Variants in ESCO1 observed in about 807,000 individuals in gnomAD.
ESCO1 encodes the protein N-acetyltransferase ESCO1.
ESCO1 carries 33 observed loss-of-function variants against 83.5 expected under a neutral mutation model. That is an observed-to-expected ratio of 0.40 (90% CI 0.30 to 0.53). The LOEUF (loss-of-function observed/expected upper bound fraction) is 0.53. Ranked by LOEUF, ESCO1 falls within the 20% of genes least tolerant of loss-of-function variation. The pLI, the probability that ESCO1 is intolerant of heterozygous loss-of-function variation, is 0.63. For missense variants in ESCO1, 855 were observed against 968.0 expected (o/e 0.88, Z 1.55); for synonymous variants, 332 against 324.3 (o/e 1.02, Z -0.25).
intron 4 of ESCO1, among the ~76,000 whole-genome samples, chr18:21,568,327 G>A (rs1054506239): frequency 3.3e-5 from 5 of 152,082 alleles, no homozygotes; most frequent in Non-Finnish European, 7.3e-5. Flanking sequence ...CATGCCTGTT[G>A]TCTCAGCTAC....
At position 21,575,256 on chromosome 18, in the gene ESCO1, A is replaced by G. The variant is rs1037880106; in HGVS notation, c.-413T>C. The G allele has an allele frequency of 5.1e-6, 2 of 389,350 alleles. No individual in the cohort carries two copies. The highest frequency in any genetic ancestry group is 9.1e-6 in the Non-Finnish European group (2 of 220,698). The allele number at this position is 389,350 out of a possible 1,614,324, so 24.1% of individuals were successfully genotyped here. On this transcript the variant is annotated 5_prime_UTR_variant, in exon 4 of 12. Transcript: ENST00000269214. ...TGACCTGTTTTGATAAAATTTTTGA[A>G]AACTTTTTTCTTCTGAAGTCTACAG...
chr18:21,544,174 TGAGGCAGGA>T (rs1053352467), intron 8 of ESCO1, among the ~76,000 whole-genome samples: 1 of 152,032 alleles, frequency 6.6e-6, no homozygotes, highest in African/African-American at 2.4e-5. Flanking sequence ...CTTGGGAGGC[TGAGGCAGGA>T]GAATTGCTTG....
chr18:21,586,565 C>G (rs181535513), intron 1 of ESCO1, among the ~76,000 whole-genome samples: 8 of 152,278 alleles, frequency 5.3e-5, no homozygotes, highest in Non-Finnish European at 1.0e-4. Context: ...TCACAGTGTA[C>G]ACAAAACTAA....
chr18:21,595,862 G>A (rs1223827768), intron 1 of ESCO1, among the ~76,000 whole-genome samples: 1 of 151,756 alleles, frequency 6.6e-6, no homozygotes, highest in Non-Finnish European at 1.5e-5. Context: ...TACTCGGGAG[G>A]CTGAGGCAGG....
chr18:21,535,724 GCAAGGCTGGTCT>G (rs1296681315), intron 10 of ESCO1, among the ~76,000 whole-genome samples: 1 of 152,162 alleles, frequency 6.6e-6, no homozygotes, highest in Non-Finnish European at 1.5e-5. Context: ...CACAATGTTG[GCAAGGCTGGTCT>G]CAAACTCCTG....
chr18:21,532,451 T>G, intron 11 of ESCO1, 22 bp downstream of exon 11: 1 of 1,592,204 alleles, frequency 6.3e-7, no homozygotes, highest in Non-Finnish European at 8.6e-7. Context: ...AAAAATGATT[T>G]GAAGGATTAC....
At chr18:21,542,463 ACT>A (rs1228645459) in intron 8 of ESCO1, among the ~76,000 whole-genome samples, 2 of 152,098 alleles carry the variant, frequency 1.3e-5, no homozygotes, top group Admixed American at 1.3e-4. Flanking sequence ...AATCACTGGA[ACT>A]CTGATTCTGT....
chr18:21,574,601 T>A lies in ESCO1; in HGVS notation c.243A>T (p.Lys81Asn). Residue 81 changes from lysine (K) to asparagine (N), a missense_variant, in exon 4 of 12, where the codon AAA (lysine) becomes AAT (asparagine). Physicochemically the swap from Lys to Asn is moderately conservative, Grantham distance 94. Transcript: ENST00000269214. ...SKAASNDKAT[K>N]SINKNTVTVR... ...CAGTCACCGTATTTTTATTAATGGA[T>A]TTAGTAGCTTTATCATTAGATGCTG... is the stretch of plus-strand genomic sequence containing the variant. 6.2e-7 allele frequency: 1 copy of A among 1,614,060 alleles called. No homozygotes were observed. Among genetic ancestry groups the A allele is most frequent in the Non-Finnish European group, 8.5e-7 (1 of 1,179,992 alleles).
chr18:21,567,617 A>C (rs2038280383), intron 5 of ESCO1, among the ~76,000 whole-genome samples: 1 of 152,248 alleles, frequency 6.6e-6, no homozygotes, highest in African/African-American at 2.4e-5. Flanking sequence ...TAAGGGTTAA[A>C]GATAAGAACC....
chr18:21,586,259 C>G (rs1003797896), intron 1 of ESCO1, among the ~76,000 whole-genome samples: 2 of 152,190 alleles, frequency 1.3e-5, no homozygotes, highest in African/African-American at 4.8e-5. Context: ...TTGTGGCTCC[C>G]ACATAAGAAC....
intron 1 of ESCO1, among the ~76,000 whole-genome samples, chr18:21,591,008 AG>A (rs1355142005): frequency 6.6e-6 from 1 of 152,100 alleles, no homozygotes; most frequent in Non-Finnish European, 1.5e-5. Context: ...AAAACTCTCC[AG>A]TAGTGGCTAA....
Position 21,584,430 on chromosome 18 carries a change from CCAAAGA to C in ESCO1, c.-820_-815del, listed in dbSNP as rs1328558936. 2 of 143,468 alleles carry C rather than the reference CCAAAGA, an allele frequency of 1.4e-5. No homozygotes were observed. The highest frequency in any genetic ancestry group is 3.1e-5 in the Non-Finnish European group (2 of 64,768). 8.9% of individuals were successfully genotyped at this position (143,468 alleles called of 1,614,324 possible). ...ATCTTTAAAAAAAAAAACTCTATAG[CCAAAGA>C]CAATCTATTGAAAAAAAAAAATACA... On this transcript the variant is annotated 5_prime_UTR_variant, in exon 2 of 12. Transcript: ENST00000269214.
At chr18:21,577,874 C>T (rs2038442247) in intron 2 of ESCO1, among the ~76,000 whole-genome samples, 1 of 152,052 alleles carries the variant, frequency 6.6e-6, no homozygotes, top group Non-Finnish European at 1.5e-5. Context: ...CATTCAAAAC[C>T]CTCTTTGCCT....
rs2038287204 is a variant in ESCO1 at position 21,568,070 on chromosome 18, T to C, written c.1555A>G (p.Lys519Glu). 1 of 1,613,854 alleles carries C rather than the reference T, an allele frequency of 6.2e-7. No individual in the cohort carries two copies. Among genetic ancestry groups the C allele is most frequent in the Non-Finnish European group, 8.5e-7 (1 of 1,179,904 alleles). Residue 519 changes from lysine (K) to glutamate (E), a missense_variant, in exon 5 of 12, where the codon AAG (lysine) becomes GAG (glutamate). Transcript: ENST00000269214. Reference protein sequence around the residue: ...NKNFSQCLESKLENSPVENVT... With the variant: ...NKNFSQCLESELENSPVENVT... ...TTTTCCACTGGACTGTTTTCTAGCT[T>C]GGATTCCAAACATTGGCTGAAATTC...
At chr18:21,566,701 A>C (rs557035532) in intron 5 of ESCO1, among the ~76,000 whole-genome samples, 49 of 152,226 alleles carry the variant, frequency 3.2e-4, no homozygotes, top group African/African-American at 1.2e-3. Flanking sequence ...TCTCTACTAA[A>C]AATACAAAAT....
intron 9 of ESCO1, among the ~76,000 whole-genome samples, chr18:21,539,390 A>C (rs1214356545): frequency 6.6e-6 from 1 of 152,226 alleles, no homozygotes; most frequent in Non-Finnish European, 1.5e-5. Flanking sequence ...AGGACAATTT[A>C]GTAATAATAC....
intron 8 of ESCO1, among the ~76,000 whole-genome samples, chr18:21,550,218 T>C (rs1231262199): frequency 6.6e-6 from 1 of 151,936 alleles, no homozygotes; most frequent in African/African-American, 2.4e-5. Context: ...ACAAGAAGAG[T>C]CTCATCAACT....
At chr18:21,551,099 C>G (rs1406073699) in intron 8 of ESCO1, among the ~76,000 whole-genome samples, 2 of 97,174 alleles carry the variant, frequency 2.1e-5, no homozygotes, top group Non-Finnish European at 4.1e-5. Flanking sequence ...GCTGCAAGAG[C>G]AAAACTCTGT....
At chr18:21,564,856 T>C (rs2038238028) in intron 6 of ESCO1, among the ~76,000 whole-genome samples, 1 of 151,600 alleles carries the variant, frequency 6.6e-6, no homozygotes, top group Admixed American at 6.6e-5. Context: ...GCTCAGGAGA[T>C]CGCGACCAGC....
Sources: allele counts gnomAD v4.1 joint callset (sites outside exome capture counted in the v4.1 genomes callset), GRCh38; gene constraint gnomAD v4.1.1; transcripts MANE v1.5; gene names NCBI Gene and HGNC (gene_info 2026-07-23, HGNC 2026-07-21).